The following LUC7L variants were observed in gnomAD, a reference collection of about 807,000 sequenced individuals.
LUC7L encodes the protein putative RNA-binding protein Luc7-like 1.
In LUC7L, 29 loss-of-function variants were observed where a neutral mutation model predicts 51.1. The observed-to-expected ratio is 0.57, with a 90% CI of 0.42 to 0.77. The LOEUF (loss-of-function observed/expected upper bound fraction) is 0.77, where lower values mean the gene tolerates loss of function less well. Among genes scored for constraint, LUC7L ranks in the 30% least tolerant of loss-of-function variants. The pLI is 0.00. For missense variants in LUC7L, 403 were observed against 511.9 expected, an observed-to-expected ratio of 0.79 and a Z score of 2.05; for synonymous variants, 181 against 180.7, an observed-to-expected ratio of 1.00 and a Z score of -0.01.
In LUC7L at chr16:205,742, G is replaced by A. The variant is rs11639737; in HGVS notation, c.510+262C>T. 9.5e-3 allele frequency among the ~76,000 whole-genome samples: 1,442 copies of A among 152,200 alleles called. 15 individuals are homozygous for A. The highest frequency in any genetic ancestry group is 0.014 in the Non-Finnish European group (924 of 68,000). ...GCAGCTGGGACTACAGGTGCCTGGC[G>A]CCATGCCCGGCTAATTTTTTTGTAT... On this transcript the variant is annotated intron_variant, in intron 5 of 9. Transcript: ENST00000293872.
intron 5 of LUC7L, among the ~76,000 whole-genome samples, chr16:201,170 G>GGAA (rs750823709): frequency 1.4e-5 from 1 of 70,368 alleles, no homozygotes; most frequent in Non-Finnish European, 2.4e-5. Flanking sequence ...CTCTGTCTGA[G>GGAA]AAAAAAAAAA....
chr16:208,277 A>G (rs2049542477), intron 3 of LUC7L, 89 bp from the exon 4 acceptor site: 3 of 944,238 alleles, frequency 3.2e-6, no homozygotes, highest in Non-Finnish European at 5.0e-6. Flanking sequence ...ATACACTCCT[A>G]GGTTCGTTTC....
At chr16:215,939 T>C (rs1330331151) in intron 3 of LUC7L, among the ~76,000 whole-genome samples, 3 of 152,046 alleles carry the variant, frequency 2.0e-5, no homozygotes, top group African/African-American at 7.2e-5. Flanking sequence ...AAGTGATCCT[T>C]CACTTTTGGC....
intron 3 of LUC7L, among the ~76,000 whole-genome samples, chr16:212,118 A>C (rs923409147): frequency 6.6e-6 from 1 of 152,112 alleles, no homozygotes; most frequent in East Asian, 1.9e-4. Context: ...ACAAGGAGAA[A>C]CCCCATCTCT....
chr16:206,783 G>A (rs1034696367), intron 4 of LUC7L, among the ~76,000 whole-genome samples: 5 of 151,652 alleles, frequency 3.3e-5, no homozygotes, highest in Admixed American at 2.0e-4. Flanking sequence ...CAGAGGCTGG[G>A]CATGCTGGCT....
intron 1 of LUC7L, 117 bp from the exon 2 acceptor site, chr16:227,453 T>A (rs2050159985): frequency 1.3e-6 from 2 of 1,487,248 alleles, no homozygotes; most frequent in African/African-American, 1.4e-5. Context: ...GTTCTCCCCA[T>A]CAAATGCAAT....
In LUC7L at chr16:189,154, G is replaced by C; in HGVS notation, c.*44C>G. Reference sequence around the variant, plus strand: ...CAAATATAAAGGGTAATTTTAGACTGTGTGAACGTTTATCAGACTATTTAC... The same window carrying C: ...CAAATATAAAGGGTAATTTTAGACTCTGTGAACGTTTATCAGACTATTTAC... On this transcript the variant is annotated 3_prime_UTR_variant, in exon 10 of 10. Coordinates refer to ENST00000293872, the MANE Select transcript of LUC7L (RefSeq NM_201412.3). 6.4e-7 allele frequency: 1 copy of C among 1,564,274 alleles called. No individual in the cohort carries two copies. Among genetic ancestry groups the C allele is most frequent in the Non-Finnish European group, 8.7e-7 (1 of 1,145,088 alleles).
chr16:215,253 T>C (rs1415350126), intron 3 of LUC7L, among the ~76,000 whole-genome samples: 1 of 150,714 alleles, frequency 6.6e-6, no homozygotes, highest in African/African-American at 2.4e-5. Flanking sequence ...TTTGGGAGAG[T>C]GAGGCGGGCA....
chr16:200,405 C>T (rs1361906335), intron 5 of LUC7L, among the ~76,000 whole-genome samples: 1 of 143,748 alleles, frequency 7.0e-6, no homozygotes, highest in East Asian at 2.0e-4. Context: ...GAGCGAGACT[C>T]CGTCTCAAAA....
intron 2 of LUC7L, 96 bp from the exon 3 acceptor site, chr16:220,843 G>T: frequency 1.3e-6 from 1 of 768,248 alleles, no homozygotes; most frequent in South Asian, 1.6e-5. Flanking sequence ...CAACAGAAAT[G>T]ATCACTTTTG....
intron 3 of LUC7L, among the ~76,000 whole-genome samples, chr16:215,891 T>C (rs747835707): frequency 8.0e-4 from 121 of 152,152 alleles, no homozygotes; most frequent in Non-Finnish European, 1.3e-3. Context: ...CTATTTTTTT[T>C]CTAGAAACAT....
chr16:220,764 GA>G lies in LUC7L; in HGVS notation c.157-18del. The G allele has an allele frequency of 6.4e-7, 1 of 1,573,928 alleles. No individual in the cohort carries two copies. Among genetic ancestry groups the G allele is most frequent in the Non-Finnish European group, 8.7e-7 (1 of 1,144,386 alleles). ...ATCCATGCGCTGTGGGAAAGAAACA[GA>G]AAATGCAGACCTCAGTGCCTACCTA... is the stretch of plus-strand genomic sequence containing the variant. On this transcript the variant is annotated intron_variant, in intron 2 of 9. Transcript: ENST00000293872.
intron 3 of LUC7L, among the ~76,000 whole-genome samples, chr16:216,203 T>C (rs1401753714): frequency 1.3e-5 from 2 of 151,800 alleles, no homozygotes; most frequent in African/African-American, 4.8e-5. Context: ...GGTTTCTCCA[T>C]GATGGTCAGG....
chr16:202,639 C>A (rs1216809269), intron 5 of LUC7L, among the ~76,000 whole-genome samples: 2 of 152,124 alleles, frequency 1.3e-5, no homozygotes, highest in Non-Finnish European at 2.9e-5. Context: ...GTTTGTTAAG[C>A]ACACTCTATA....
In LUC7L at chr16:218,229, T is replaced by C. The variant is rs946489149; in HGVS notation, c.255+2420A>G. Among the ~76,000 whole-genome samples the C allele has an allele frequency of 3.3e-5, 5 of 151,974 alleles. No individual in the cohort carries two copies. The South Asian group carries it at 6.2e-4, about 19-fold the overall frequency. Reference sequence around the variant, plus strand: ...AAGGAAGAATTTACTGTAAAACGTATTGACATCTTGTAATGCAAGCGGAGG... The same window carrying C: ...AAGGAAGAATTTACTGTAAAACGTACTGACATCTTGTAATGCAAGCGGAGG... On this transcript the variant is annotated intron_variant, in intron 3 of 9. Transcript: ENST00000293872.
rs1490533306 is a variant in LUC7L at position 190,142 on chromosome 16, A to C, written c.807-7T>G. 5 of 1,607,728 alleles carry C rather than the reference A, an allele frequency of 3.1e-6. No individual in the cohort carries two copies. Among genetic ancestry groups the C allele is most frequent in the Admixed American group, 1.7e-5 (1 of 59,846 alleles). ...CCGATCCCGGGAGCGTGACCTGAACAATCAGAAGGCTCCAAGGCTGAGACT... is the reference window on the plus strand; with the variant it reads ...CCGATCCCGGGAGCGTGACCTGAACCATCAGAAGGCTCCAAGGCTGAGACT... On this transcript the variant is annotated splice_polypyrimidine_tract_variant and splice_region_variant and intron_variant, in intron 8 of 9. Transcript: ENST00000293872.
chr16:195,159 G>A (rs992377990), intron 6 of LUC7L, among the ~76,000 whole-genome samples: 1 of 152,074 alleles, frequency 6.6e-6, no homozygotes, highest in Non-Finnish European at 1.5e-5. Flanking sequence ...CAGGTACGGT[G>A]GCTCATGCCA....
At chr16:207,075 T>A (rs985350628) in intron 4 of LUC7L, among the ~76,000 whole-genome samples, 1 of 151,662 alleles carries the variant, frequency 6.6e-6, no homozygotes, top group Non-Finnish European at 1.5e-5. Flanking sequence ...GGTGGGCACC[T>A]GTAGTCCCAG....
chr16:192,824 GC>G, intron 7 of LUC7L, 102 bp downstream of exon 7: 1 of 989,834 alleles, frequency 1.0e-6, no homozygotes, highest in South Asian at 1.3e-5. Flanking sequence ...TTTTATAACG[GC>G]CTATTGGGCA....
Sources: gnomAD v4.1 joint callset for allele counts (sites outside exome capture counted in the v4.1 genomes callset) on GRCh38, gnomAD v4.1.1 for gene constraint, MANE v1.5 for transcripts, NCBI Gene and HGNC (gene_info 2026-07-23, HGNC 2026-07-21) for gene names.